The following EDA variants were observed in gnomAD, a reference collection of about 807,000 sequenced individuals.
The protein encoded by EDA is ectodysplasin-A.
In EDA, 2 loss-of-function variants were observed where a neutral mutation model predicts 23.6. The observed-to-expected ratio is 0.08, with a 90% CI of 0.03 to 0.27. The LOEUF is 0.27. EDA is among the 10% of genes least tolerant of loss of function. The pLI is 1.00. For missense variants in EDA, 229 were observed against 324.2 expected (o/e 0.71, Z 2.26); for synonymous variants, 131 against 132.0 (o/e 0.99, Z 0.05).
intron 5 of EDA, among the ~76,000 whole-genome samples, chrX:70,029,947 A>G (rs1023402534): frequency 2.7e-5 from 3 of 112,179 alleles, no homozygotes; most frequent in African/African-American, 9.7e-5. Context: ...AAAAACAGCC[A>G]ACCAGCTCCA....
chrX:69,874,347 G>A (rs1352199432), intron 1 of EDA, among the ~76,000 whole-genome samples: 1 of 110,959 alleles, frequency 9.0e-6, no homozygotes, highest in African/African-American at 3.3e-5. Flanking sequence ...AAAAAAGTAA[G>A]TCAATTAATG....
chrX:69,670,841 A>G (rs1933868368), intron 1 of EDA, among the ~76,000 whole-genome samples: 1 of 111,389 alleles, frequency 9.0e-6, no homozygotes. Flanking sequence ...AATTGTTTCT[A>G]TATCTTCTGT....
chrX:69,814,473 C>A (rs2016031994), intron 1 of EDA, among the ~76,000 whole-genome samples: 1 of 113,015 alleles, frequency 8.8e-6, no homozygotes, highest in African/African-American at 3.2e-5. Context: ...AATATCATAT[C>A]AATTACATGA....
At chrX:69,697,843 T>G (rs2011404821) in intron 1 of EDA, among the ~76,000 whole-genome samples, 1 of 112,268 alleles carries the variant, frequency 8.9e-6, no homozygotes, top group Admixed American at 9.4e-5. Flanking sequence ...TAGAACTGCT[T>G]TTTTGTTATC....
intron 1 of EDA, among the ~76,000 whole-genome samples, chrX:69,712,966 A>C (rs1326658543): frequency 9.3e-6 from 1 of 107,514 alleles, no homozygotes; most frequent in African/African-American, 3.4e-5. Flanking sequence ...GCAGGGACAA[A>C]AAAACCAAAC....
chrX:69,788,627 C>G (rs1028287173), intron 1 of EDA, among the ~76,000 whole-genome samples: 2 of 112,380 alleles, frequency 1.8e-5, no homozygotes, highest in Admixed American at 9.4e-5. Context: ...CAGGGAGCCA[C>G]TTGAGGAGGC....
At chrX:69,929,722 G>A (rs1347451726) in intron 1 of EDA, among the ~76,000 whole-genome samples, 1 of 104,891 alleles carries the variant, frequency 9.5e-6, no homozygotes, top group Non-Finnish European at 2.0e-5. Flanking sequence ...GTGTGTGTGT[G>A]TGTGTGTGTG....
intron 1 of EDA, among the ~76,000 whole-genome samples, chrX:69,681,317 G>A (rs920933098): frequency 1.1e-3 from 116 of 108,463 alleles, no homozygotes; most frequent in African/African-American, 2.7e-3. Context: ...TGCTCTTCTC[G>A]AGGAGTATCT....
intron 2 of EDA, among the ~76,000 whole-genome samples, chrX:69,995,084 A>G (rs746564312): frequency 1.8e-5 from 2 of 112,189 alleles, no homozygotes; most frequent in East Asian, 5.6e-4. Flanking sequence ...CATGTCAAAA[A>G]TCCTATAAAA....
chrX:69,902,832 G>A (rs2018117557), intron 1 of EDA, among the ~76,000 whole-genome samples: 1 of 111,366 alleles, frequency 9.0e-6, no homozygotes, highest in Non-Finnish European at 1.9e-5. Flanking sequence ...GAGAAATTTG[G>A]CAGCTTCACT....
At chrX:69,832,231 G>A (rs2016631441) in intron 1 of EDA, among the ~76,000 whole-genome samples, 1 of 111,754 alleles carries the variant, frequency 8.9e-6, no homozygotes, top group African/African-American at 3.3e-5. Context: ...GTAAGGAAGG[G>A]ATCCAGTTTC....
intron 1 of EDA, among the ~76,000 whole-genome samples, chrX:69,898,620 A>G (rs2018054429): frequency 8.9e-6 from 1 of 111,921 alleles, no homozygotes; most frequent in East Asian, 2.8e-4. Context: ...TAGAAAGTTC[A>G]TTGGTTTCTA....
chrX:69,854,501 CTA>C (rs993172371), intron 1 of EDA, among the ~76,000 whole-genome samples: 2 of 111,712 alleles, frequency 1.8e-5, no homozygotes, highest in Non-Finnish European at 3.8e-5. Flanking sequence ...TTGTTCCCCT[CTA>C]TGTGTCCATG....
chrX:69,806,814 G>A (rs1462576779), intron 1 of EDA, among the ~76,000 whole-genome samples: 2 of 109,766 alleles, frequency 1.8e-5, no homozygotes, highest in Non-Finnish European at 1.9e-5. Context: ...TGGTAGCAAG[G>A]AGCATAGAGA....
chrX:69,732,609 G>A (rs1424972373), intron 1 of EDA, among the ~76,000 whole-genome samples: 4 of 111,806 alleles, frequency 3.6e-5, no homozygotes, highest in Non-Finnish European at 7.5e-5. Flanking sequence ...CTTTGGGTAT[G>A]TACCCAGTAA....
chrX:69,890,284 G>A (rs956745816), intron 1 of EDA, among the ~76,000 whole-genome samples: 7 of 110,539 alleles, frequency 6.3e-5, no homozygotes, highest in African/African-American at 2.3e-4. Context: ...TCAATATTAT[G>A]AAAATGGCCA....
chrX:69,921,224 A>G (rs1173985194), intron 1 of EDA, among the ~76,000 whole-genome samples: 1 of 110,690 alleles, frequency 9.0e-6, no homozygotes, highest in African/African-American at 3.3e-5. Flanking sequence ...TGATCACCCA[A>G]TTCTCCAAGG....
chrX:69,888,978 T>TAGATAGATA (rs1556026049), intron 1 of EDA, among the ~76,000 whole-genome samples: 4 of 16,011 alleles, frequency 2.5e-4, no homozygotes, highest in Non-Finnish European at 3.1e-4. Flanking sequence ...TGTGGGGTAG[T>TAGATAGATA]TATATATATA....
chrX:69,845,844 GC>G (rs1270766938), intron 1 of EDA, among the ~76,000 whole-genome samples: 1 of 111,189 alleles, frequency 9.0e-6, no homozygotes, highest in Admixed American at 9.6e-5. Context: ...CCTACCAATA[GC>G]CAGCAAATAG....
Sources: allele counts gnomAD v4.1 joint callset (sites outside exome capture counted in the v4.1 genomes callset), GRCh38; gene constraint gnomAD v4.1.1; transcripts MANE v1.5; gene names NCBI Gene and HGNC (gene_info 2026-07-23, HGNC 2026-07-21).